The following VANGL2 variants were observed in gnomAD, a reference collection of about 807,000 sequenced individuals.
The protein encoded by VANGL2 is vang-like protein 2.
In VANGL2, 14 loss-of-function variants were observed where a neutral mutation model predicts 50.2. That is an observed-to-expected ratio of 0.28 (90% CI 0.18 to 0.44). VANGL2 has a LOEUF of 0.44. Ranked by LOEUF, VANGL2 falls within the 20% of genes least tolerant of loss-of-function variation. The probability of loss-of-function intolerance (pLI) is 1.00; values close to 1 mark genes in which losing one functional copy is unlikely to be tolerated. For synonymous variants in VANGL2, 295 were observed against 297.2 expected (o/e 0.99, Z 0.08); for missense variants, 533 against 701.5 (o/e 0.76, Z 2.71).
At position 160,424,253 on chromosome 1, in the gene VANGL2, A is replaced by T. The variant is rs760609933; in HGVS notation, c.1275A>T (p.Glu425Asp). 1.2e-6 allele frequency: 2 copies of T among 1,614,064 alleles called. No individual in the cohort carries two copies. The highest frequency in any genetic ancestry group is 1.3e-5 in the African/African-American group (1 of 74,926). ...HTMESILQHL[E>D]FCITHDMTPK... The stretch of plus-strand genomic sequence containing the variant: ...TGGAGAGCATCCTGCAGCACCTTGA[A>T]TTCTGCATCACGCATGACATGACGC... The change falls in exon 7 of 8, where the codon GAA becomes GAT. Residue 425 changes from glutamate (E) to aspartate (D), a missense_variant. Glu to Asp is a conservative substitution (Grantham distance 45). Coordinates refer to ENST00000368061, the MANE Select transcript of VANGL2 (RefSeq NM_020335.3).
intron 1 of VANGL2, among the ~76,000 whole-genome samples, chr1:160,404,617 G>T (rs1295678305): frequency 6.6e-6 from 1 of 152,116 alleles, no homozygotes; most frequent in Non-Finnish European, 1.5e-5. Flanking sequence ...TGTCTCTATG[G>T]ATGTACCTAT....
chr1:160,415,193 T>C (rs1571241662), intron 1 of VANGL2, among the ~76,000 whole-genome samples: 1 of 151,900 alleles, frequency 6.6e-6, no homozygotes, highest in Non-Finnish European at 1.5e-5. Context: ...GGGGAGGAGG[T>C]GTAGCATGGG....
intron 1 of VANGL2, among the ~76,000 whole-genome samples, chr1:160,413,434 C>T (rs1240798954): frequency 6.6e-6 from 1 of 152,060 alleles, no homozygotes; most frequent in Non-Finnish European, 1.5e-5. Context: ...CACCTGCCAC[C>T]ATGCTTTTTA....
intron 1 of VANGL2, among the ~76,000 whole-genome samples, chr1:160,401,342 G>C (rs371360132): frequency 6.6e-6 from 1 of 152,114 alleles, no homozygotes; most frequent in Admixed American, 6.5e-5. Context: ...ATGCGTTAAG[G>C]GTGTAGAGTG....
chr1:160,421,784 G>T (rs1305832715), intron 6 of VANGL2, among the ~76,000 whole-genome samples: 1 of 152,116 alleles, frequency 6.6e-6, no homozygotes, highest in African/African-American at 2.4e-5. Context: ...GCCACAGTGG[G>T]GTAGGGACCC....
chr1:160,401,958 G>T (rs1437817562), intron 1 of VANGL2, among the ~76,000 whole-genome samples: 1 of 152,030 alleles, frequency 6.6e-6, no homozygotes, highest in Non-Finnish European at 1.5e-5. Context: ...GTGTGTCGGG[G>T]GTACCTCTAG....
At chr1:160,411,226 C>A (rs1229252054) in intron 1 of VANGL2, among the ~76,000 whole-genome samples, 1 of 151,796 alleles carries the variant, frequency 6.6e-6, no homozygotes, top group African/African-American at 2.4e-5. Flanking sequence ...GTGTTTGTGT[C>A]TTGGGAAGTG....
chr1:160,414,405 C>T (rs1650984671), intron 1 of VANGL2, among the ~76,000 whole-genome samples: 2 of 152,174 alleles, frequency 1.3e-5, no homozygotes, highest in South Asian at 4.1e-4. Context: ...GGGCATTTTC[C>T]TGCACTCTTT....
Position 160,410,482 on chromosome 1 carries a change from G to A in VANGL2, c.-190-5166G>A, listed in dbSNP as rs914702420. 3.9e-5 allele frequency among the ~76,000 whole-genome samples: 6 copies of A among 152,246 alleles called. No individual in the cohort carries two copies. The East Asian group carries it at 7.7e-4, about 20-fold the overall frequency. On this transcript the variant is annotated intron_variant, in intron 1 of 7. Coordinates refer to ENST00000368061, the MANE Select transcript of VANGL2 (RefSeq NM_020335.3). ...CGGGACTGGGCTGCGGGGTGGGCCC[G>A]GGCTAGAGCAGTGGCAGGAGGTGGC...
intron 1 of VANGL2, among the ~76,000 whole-genome samples, chr1:160,415,188 G>A (rs1220796984): frequency 6.6e-6 from 1 of 152,220 alleles, no homozygotes; most frequent in Non-Finnish European, 1.5e-5. Context: ...AGTGAGGGGA[G>A]GAGGTGTAGC....
rs1462984926 is a variant in VANGL2, at chr1:160,421,155, G to A, written c.1041G>A (p.Glu347=). The part of the protein sequence containing the change: ...SHNEYYYEEA[E]HERRVRKRRA... ...ATGAGTACTACTATGAGGAGGCTGAGCATGAGCGAAGGGTGCGCAAGAGGA... is the reference window on the plus strand; with the variant it reads ...ATGAGTACTACTATGAGGAGGCTGAACATGAGCGAAGGGTGCGCAAGAGGA... The change falls in exon 6 of 8, where the codon GAG becomes GAA. Residue 347 remains glutamate, a synonymous_variant. Transcript: ENST00000368061. 1.9e-6 allele frequency: 3 copies of A among 1,613,992 alleles called. No individual in the cohort carries two copies. Among genetic ancestry groups the A allele is most frequent in the South Asian group, 2.2e-5 (2 of 91,070 alleles).
Position 160,404,507 on chromosome 1 carries a change from C to T in VANGL2, c.-191+3638C>T, listed in dbSNP as rs180763121. ...TGTGCAACAACCACCTCTGTCTAGT[C>T]CCCAAACATTTGCACCATCCCGAAA... On this transcript the variant is annotated intron_variant, in intron 1 of 7. Transcript: ENST00000368061. 2.6e-3 allele frequency among the ~76,000 whole-genome samples: 401 copies of T among 152,280 alleles called. 2 individuals carry two copies. The highest frequency in any genetic ancestry group is 4.6e-3 in the Non-Finnish European group (315 of 68,010).
At chr1:160,403,150 T>G (rs1197024390) in intron 1 of VANGL2, among the ~76,000 whole-genome samples, 6 of 147,626 alleles carry the variant, frequency 4.1e-5, no homozygotes, top group African/African-American at 1.3e-4. Flanking sequence ...AAAAGACCTT[T>G]TTTTTTTTTT....
intron 1 of VANGL2, among the ~76,000 whole-genome samples, chr1:160,401,363 G>A (rs1023191842): frequency 2.6e-5 from 4 of 152,074 alleles, no homozygotes; most frequent in Non-Finnish European, 5.9e-5. Context: ...GAGTCAGGGG[G>A]GCGGGTTGGG....
intron 1 of VANGL2, among the ~76,000 whole-genome samples, chr1:160,412,509 C>T (rs940712941): frequency 7.9e-5 from 12 of 152,024 alleles, no homozygotes; most frequent in Non-Finnish European, 1.5e-4. Context: ...TAGAATGGGT[C>T]CTCAGGAGAG....
At position 160,420,288 on chromosome 1, in the gene VANGL2, C is replaced by A. The variant is rs528128413; in HGVS notation, c.801-123C>A. 5 of 1,338,764 alleles carry A rather than the reference C, an allele frequency of 3.7e-6. No individual in the cohort carries two copies. In the South Asian group the frequency reaches 6.0e-5, roughly 16 times the overall value. The allele number at this position is 1,338,764 out of a possible 1,614,324, so 82.9% of individuals were successfully genotyped here. ...ACCTCAGGCCCGGAGTCAGGCTTCT[C>A]GGAAGCAGCTTGTCCCTGTCCTGTG... On this transcript the variant is annotated intron_variant, in intron 4 of 7. Coordinates refer to ENST00000368061, the MANE Select transcript of VANGL2 (RefSeq NM_020335.3).
chr1:160,421,108 C>T lies in VANGL2; in HGVS notation c.994C>T (p.Arg332Trp), dbSNP rs1264469825. Residue 332 changes from arginine (R) to tryptophan (W), a missense_variant, in exon 6 of 8, where the codon CGG becomes TGG. By Grantham distance (101) the Arg-to-Trp change is moderately radical. Transcript: ENST00000368061. Reference sequence around the variant, plus strand: ...TCGGGCTGTGATTGCAGCGGCAGCTCGGAGGCGGGACAACAGTCACAATGA... The same window carrying T: ...TCGGGCTGTGATTGCAGCGGCAGCTTGGAGGCGGGACAACAGTCACAATGA... ...QSRAVIAAAARRRDNSHNEYY... is the reference protein window; with the variant it reads ...QSRAVIAAAAWRRDNSHNEYY... 2 of 1,614,088 alleles carry T rather than the reference C, an allele frequency of 1.2e-6. No individual in the cohort carries two copies. The highest frequency in any genetic ancestry group is 1.7e-6 in the Non-Finnish European group (2 of 1,180,028).
intron 1 of VANGL2, among the ~76,000 whole-genome samples, chr1:160,404,238 T>C (rs914501668): frequency 2.0e-5 from 3 of 152,068 alleles, no homozygotes; most frequent in Non-Finnish European, 4.4e-5. Context: ...AATAAGATGT[T>C]TTCCCAGGGG....
chr1:160,401,763 A>G (rs1040904180), intron 1 of VANGL2, among the ~76,000 whole-genome samples: 1 of 151,962 alleles, frequency 6.6e-6, no homozygotes, highest in Admixed American at 6.6e-5. Flanking sequence ...AGAGGGGTTC[A>G]CGGGAAAGAG....
Sources: allele counts gnomAD v4.1 joint callset (sites outside exome capture counted in the v4.1 genomes callset), GRCh38; gene constraint gnomAD v4.1.1; transcripts MANE v1.5; gene names NCBI Gene and HGNC (gene_info 2026-07-23, HGNC 2026-07-21).